SLC39A9: variants seen among roughly 807,000 people sequenced by gnomAD.
The protein encoded by SLC39A9 is solute carrier family 39 member 9.
SLC39A9 carries 14 observed loss-of-function variants against 28.4 expected under a neutral mutation model. That is an observed-to-expected ratio of 0.49 (90% confidence interval 0.33 to 0.77). SLC39A9 has a LOEUF of 0.77. Ranked by LOEUF, SLC39A9 falls within the 30% of genes least tolerant of loss-of-function variation. The pLI is 0.02. For missense variants in SLC39A9, 283 were observed against 381.1 expected (o/e 0.74, Z 2.14); for synonymous variants, 119 against 149.6 (o/e 0.80, Z 1.49).
intron 1 of SLC39A9, among the ~76,000 whole-genome samples, chr14:69,401,222 C>G (rs1191955294): frequency 6.6e-6 from 1 of 152,138 alleles, no homozygotes; most frequent in African/African-American, 2.4e-5. Flanking sequence ...TATTGTTGTT[C>G]TTTACCAGTA....
At chr14:69,435,427 A>G (rs1884694445) in intron 2 of SLC39A9, among the ~76,000 whole-genome samples, 1 of 152,144 alleles carries the variant, frequency 6.6e-6, no homozygotes, top group African/African-American at 2.4e-5. Context: ...ATTTTTAGCC[A>G]GTGCCATTCA....
In SLC39A9 at chr14:69,399,462, A is replaced by G. The variant is rs768950881; in HGVS notation, c.93A>G (p.Ser31=). The G allele has an allele frequency of 6.2e-7, 1 of 1,613,540 alleles. No homozygotes were observed. The highest frequency in any genetic ancestry group is 1.1e-5 in the South Asian group (1 of 90,946). Residue 31 remains serine (S), a synonymous_variant, in exon 1 of 7, where the codon TCA becomes TCG. Coordinates refer to ENST00000336643, the MANE Select transcript of SLC39A9 (RefSeq NM_018375.5). ...TCATTCCCTTGGCTGTTAATTTCTC[A>G]GAGGTAAGAAATTCTCAATTTTCTG... The part of the protein sequence containing the change: ...AGIIPLAVNF[S]EERLKLVTVL...
In SLC39A9 at chr14:69,443,731, A is replaced by G. The variant is rs981359872; in HGVS notation, c.403+1465A>G. On this transcript the variant is annotated intron_variant, in intron 3 of 6. Transcript: ENST00000336643. ...CAAAAAATACAATAATTAGCTGAGCATAGTGGTACGCACCTGGAGTCCCTG... is the reference window on the plus strand; with the variant it reads ...CAAAAAATACAATAATTAGCTGAGCGTAGTGGTACGCACCTGGAGTCCCTG... Among the ~76,000 whole-genome samples the G allele has an allele frequency of 1.6e-4, 25 of 152,126 alleles. 1 individual carries two copies. The highest frequency in any genetic ancestry group is 8.8e-5 in the Non-Finnish European group (6 of 68,024).
rs550793215 is a variant in SLC39A9 at position 69,456,523 on chromosome 14, GTTCT to G, written c.693+662_693+665del. Among the ~76,000 whole-genome samples the G allele has an allele frequency of 2.0e-3, 308 of 152,288 alleles. 1 individual carries two copies. The highest frequency in any genetic ancestry group is 3.7e-3 in the Non-Finnish European group (255 of 68,024). On this transcript the variant is annotated intron_variant, in intron 6 of 6. Coordinates refer to ENST00000336643, the MANE Select transcript of SLC39A9 (RefSeq NM_018375.5). ...CACGTCCCCAGATAGTAACTGTACA[GTTCT>G]TTCTATTGAATACTTTGTACTGAAC...
At chr14:69,446,964 A>AGC (rs1555408995) in intron 3 of SLC39A9, among the ~76,000 whole-genome samples, 2 of 146,582 alleles carry the variant, frequency 1.4e-5, no homozygotes, top group African/African-American at 5.0e-5. Context: ...AGAGAGAGAG[A>AGC]GAGCGAGAGA....
chr14:69,404,280 A>G (rs556849725), intron 1 of SLC39A9, among the ~76,000 whole-genome samples: 22 of 152,334 alleles, frequency 1.4e-4, no homozygotes, highest in Admixed American at 5.2e-4. Context: ...TGCTATTCTT[A>G]GGATGATTTT....
At chr14:69,430,223 C>T (rs1884418327) in intron 2 of SLC39A9, among the ~76,000 whole-genome samples, 3 of 152,136 alleles carry the variant, frequency 2.0e-5, no homozygotes, top group African/African-American at 7.2e-5. Context: ...TCAGTTACTT[C>T]TTTTGAGATT....
intron 2 of SLC39A9, among the ~76,000 whole-genome samples, chr14:69,439,355 CA>C (rs1884935389): frequency 6.6e-6 from 1 of 151,758 alleles, no homozygotes; most frequent in Admixed American, 6.6e-5. Flanking sequence ...ATAATAGCAT[CA>C]GAAAATAAAA....
chr14:69,399,954 A>G (rs1882535140), intron 1 of SLC39A9, among the ~76,000 whole-genome samples: 1 of 152,140 alleles, frequency 6.6e-6, no homozygotes, highest in Non-Finnish European at 1.5e-5. Context: ...GTCCCTACAA[A>G]TGAGGCTGAG....
At chr14:69,418,224 A>G (rs150362244) in intron 1 of SLC39A9, among the ~76,000 whole-genome samples, 8,450 of 152,090 alleles carry the variant, frequency 0.056, 326 homozygotes, top group East Asian at 0.093. Context: ...TGAGATAATC[A>G]TGTGGTTTTT....
intron 2 of SLC39A9, among the ~76,000 whole-genome samples, chr14:69,427,880 G>T (rs1884281853): frequency 6.6e-6 from 1 of 152,212 alleles, no homozygotes; most frequent in African/African-American, 2.4e-5. Context: ...TTTGAAAAGA[G>T]CCCATATTGG....
intron 3 of SLC39A9, among the ~76,000 whole-genome samples, chr14:69,444,034 A>T (rs1199803061): frequency 6.6e-6 from 1 of 151,794 alleles, no homozygotes; most frequent in Non-Finnish European, 1.5e-5. Flanking sequence ...AAAAAAAAAT[A>T]AATTACCCAA....
intron 2 of SLC39A9, among the ~76,000 whole-genome samples, chr14:69,437,360 C>T (rs138576593): frequency 1.7e-3 from 259 of 152,238 alleles, no homozygotes; most frequent in African/African-American, 5.8e-3. Flanking sequence ...GTCCTTTGGC[C>T]GGAAAGACAG....
At position 69,399,398 on chromosome 14, in the gene SLC39A9, T is replaced by C; in HGVS notation, c.29T>C (p.Leu10Pro). The C allele has an allele frequency of 6.2e-7, 1 of 1,614,164 alleles. No individual in the cohort carries two copies. Among genetic ancestry groups the C allele is most frequent in the African/African-American group, 1.3e-5 (1 of 75,064 alleles). The change falls in exon 1 of 7, where the codon CTG (leucine) becomes CCG (proline). Residue 10 changes from leucine to proline, a missense_variant. Leu to Pro is a moderately conservative substitution (Grantham distance 98, BLOSUM62 -3). Transcript: ENST00000336643. MDDFISISL[L>P]SLAMLVGCYV... Reference sequence around the variant, plus strand: ...GATGATTTCATCTCCATTAGCCTGCTGTCTCTGGCTATGTTGGTGGGATGT... The same window carrying C: ...GATGATTTCATCTCCATTAGCCTGCCGTCTCTGGCTATGTTGGTGGGATGT...
chr14:69,413,729 T>A (rs1883413351), intron 1 of SLC39A9, among the ~76,000 whole-genome samples: 1 of 151,456 alleles, frequency 6.6e-6, no homozygotes, highest in African/African-American at 2.5e-5. Flanking sequence ...TGGAGATAAA[T>A]TTTTTTATAA....
intron 3 of SLC39A9, among the ~76,000 whole-genome samples, chr14:69,450,400 A>T (rs1225286450): frequency 6.6e-6 from 1 of 152,114 alleles, no homozygotes; most frequent in African/African-American, 2.4e-5. Flanking sequence ...GTGAAATAAA[A>T]TTTTTCCTCC....
chr14:69,459,744 T>G lies in SLC39A9; in HGVS notation c.*1151T>G. 2.0e-6 allele frequency: 2 copies of G among 985,168 alleles called. No individual in the cohort carries two copies. The highest frequency in any genetic ancestry group is 2.4e-6 in the Non-Finnish European group (2 of 829,702). 61.0% of individuals were successfully genotyped at this position (985,168 alleles called of 1,614,324 possible). ...TCATGTCTCTTGTCTCTTCGTCTTT[T>G]CTTTGCTTTTCTTCTAACTTTTCCC... On this transcript the variant is annotated 3_prime_UTR_variant, in exon 7 of 7. Transcript: ENST00000336643.
intron 3 of SLC39A9, among the ~76,000 whole-genome samples, chr14:69,445,294 CCCT>C (rs1233651354): frequency 2.0e-5 from 3 of 152,020 alleles, no homozygotes; most frequent in Non-Finnish European, 4.4e-5. Context: ...CAAGACCAAC[CCCT>C]CCTCTTCCTC....
intron 2 of SLC39A9, among the ~76,000 whole-genome samples, chr14:69,435,100 C>T (rs1884678932): frequency 6.6e-6 from 1 of 152,182 alleles, no homozygotes; most frequent in Non-Finnish European, 1.5e-5. Flanking sequence ...GTTTGGTCTT[C>T]TATATCTTTG....
Sources: allele counts gnomAD v4.1 joint callset (sites outside exome capture counted in the v4.1 genomes callset), GRCh38; gene constraint gnomAD v4.1.1; transcripts MANE v1.5; gene names NCBI Gene and HGNC (gene_info 2026-07-23, HGNC 2026-07-21).